LTBP1: variants seen among roughly 807,000 people sequenced by gnomAD.
The protein encoded by LTBP1 is latent-transforming growth factor beta-binding protein 1.
Under a neutral mutation model 207.6 loss-of-function variants are expected in LTBP1, and 129 were observed. The ratio of observed to expected loss-of-function variants is 0.62; its 90% CI spans 0.54 to 0.72. The LOEUF (loss-of-function observed/expected upper bound fraction) is 0.72, where lower values mean the gene tolerates loss of function less well. Among genes scored for constraint, LTBP1 ranks in the 30% least tolerant of loss-of-function variants. The probability of loss-of-function intolerance (pLI) is 0.00; values close to 1 mark genes in which losing one functional copy is unlikely to be tolerated. For missense variants in LTBP1, 2,281 were observed against 2,217.2 expected (o/e 1.03, Z -0.58); for synonymous variants, 963 against 833.7 (o/e 1.16, Z -2.67).
rs190978477 is a variant in LTBP1 at position 33,198,240 on chromosome 2, G to A, written c.1701+9389G>A. Among the ~76,000 whole-genome samples, 227 of 152,280 alleles carry A rather than the reference G, an allele frequency of 1.5e-3. 3 individuals carry two copies. Among genetic ancestry groups the A allele is most frequent in the African/African-American group, 5.0e-3 (208 of 41,550 alleles). ...TATTGAACCAGCCTTGCATCCCAGG[G>A]ATGAAGCCCACTTGATCATGGTGGA... is the stretch of plus-strand genomic sequence containing the variant. On this transcript the variant is annotated intron_variant, in intron 7 of 33. Coordinates refer to ENST00000404816, the MANE Select transcript of LTBP1 (RefSeq NM_206943.4).
chr2:33,328,322 GCACTTAC>G (rs1553503675), intron 24 of LTBP1, among the ~76,000 whole-genome samples: 1 of 151,974 alleles, frequency 6.6e-6, no homozygotes, highest in Non-Finnish European at 1.5e-5. Flanking sequence ...CTCATACATA[GCACTTAC>G]CACTATCCTG....
chr2:33,199,266 G>C (rs2088930623), intron 7 of LTBP1, among the ~76,000 whole-genome samples: 2 of 152,172 alleles, frequency 1.3e-5, no homozygotes, highest in Admixed American at 1.3e-4. Flanking sequence ...CTGAGAGACA[G>C]TTTGTTATCA....
chr2:33,283,408 T>G (rs1423947350), intron 19 of LTBP1, among the ~76,000 whole-genome samples: 1 of 150,574 alleles, frequency 6.6e-6, no homozygotes, highest in African/African-American at 2.4e-5. Flanking sequence ...ATGAAAATTC[T>G]CCGTGATAAC....
At chr2:32,966,429 G>T (rs929291339) in intron 2 of LTBP1, among the ~76,000 whole-genome samples, 2 of 152,116 alleles carry the variant, frequency 1.3e-5, no homozygotes, top group African/African-American at 4.8e-5. Context: ...TATTGAAAAG[G>T]AGTGATGAGA....
At chr2:33,355,936 CTT>C (rs141670994) in intron 26 of LTBP1, among the ~76,000 whole-genome samples, 1 of 149,752 alleles carries the variant, frequency 6.7e-6, no homozygotes, top group African/African-American at 2.5e-5. Context: ...TATTTTTGTG[CTT>C]TTTTTTTTCT....
At chr2:33,043,482 G>C (rs1261342468) in intron 3 of LTBP1, among the ~76,000 whole-genome samples, 1 of 152,184 alleles carries the variant, frequency 6.6e-6, no homozygotes, top group African/African-American at 2.4e-5. Context: ...AGACAGTAGA[G>C]TGTAAGCTAT....
At chr2:33,069,884 T>C (rs903994733) in intron 3 of LTBP1, among the ~76,000 whole-genome samples, 3 of 152,218 alleles carry the variant, frequency 2.0e-5, no homozygotes, top group Non-Finnish European at 4.4e-5. Context: ...TCTCAACAGC[T>C]CACAGTCTGA....
chr2:33,201,233 G>T lies in LTBP1; in HGVS notation c.1701+12382G>T, dbSNP rs547454804. Among the ~76,000 whole-genome samples the T allele has an allele frequency of 3.3e-3, 500 of 152,054 alleles. 5 individuals carry two copies. Among genetic ancestry groups the T allele is most frequent in the African/African-American group, 0.011 (473 of 41,452 alleles). ...CAAAGACTTGGAACCAACCCAAATG[G>T]CCAACAATGATAGACTGGATTAAGA... On this transcript the variant is annotated intron_variant, in intron 7 of 33. Transcript: ENST00000404816.
intron 33 of LTBP1, 118 bp from the exon 34 acceptor site, chr2:33,398,246 A>T: frequency 1.2e-6 from 1 of 818,764 alleles, no homozygotes; most frequent in Non-Finnish European, 1.9e-6. Flanking sequence ...TGACTGAAGC[A>T]ATGACGAGAA....
intron 3 of LTBP1, among the ~76,000 whole-genome samples, chr2:33,050,108 T>C (rs556559953): frequency 7.9e-5 from 12 of 151,808 alleles, no homozygotes; most frequent in African/African-American, 2.9e-4. Context: ...CCTCCCAAAG[T>C]GCTGGGATTA....
Position 33,398,621 on chromosome 2 carries a change from A to G in LTBP1, c.*76A>G. 1.5e-6 allele frequency: 2 copies of G among 1,365,106 alleles called. No individual in the cohort carries two copies. The highest frequency in any genetic ancestry group is 2.0e-6 in the Non-Finnish European group (2 of 1,006,466). The allele number at this position is 1,365,106 out of a possible 1,614,324, so 84.6% of individuals were successfully genotyped here. ...AAGGGAGAAATGTATTATACTTGAG[A>G]CATTGCACCTACCCCGGAAGGCTGG... On this transcript the variant is annotated 3_prime_UTR_variant, in exon 34 of 34. Coordinates refer to ENST00000404816, the MANE Select transcript of LTBP1 (RefSeq NM_206943.4).
At chr2:33,296,505 A>G (rs1177740757) in intron 20 of LTBP1, among the ~76,000 whole-genome samples, 2 of 152,066 alleles carry the variant, frequency 1.3e-5, no homozygotes, top group African/African-American at 4.8e-5. Context: ...GAATAATCTC[A>G]GGTTTCCAGA....
At chr2:33,292,709 T>G (rs2093798246) in intron 19 of LTBP1, among the ~76,000 whole-genome samples, 1 of 152,230 alleles carries the variant, frequency 6.6e-6, no homozygotes, top group African/African-American at 2.4e-5. Context: ...TTTTCACCTT[T>G]CTGTTAAAAC....
chr2:33,398,331 G>A (rs778971342), intron 33 of LTBP1, 33 bp from the exon 34 acceptor site: 24 of 1,599,660 alleles, frequency 1.5e-5, no homozygotes, highest in African/African-American at 4.0e-5. Context: ...TAATATCCAA[G>A]ATTGTTTACC....
At chr2:33,332,403 G>C (rs1330136978) in intron 24 of LTBP1, among the ~76,000 whole-genome samples, 4 of 144,248 alleles carry the variant, frequency 2.8e-5, no homozygotes, top group African/African-American at 1.0e-4. Flanking sequence ...AAAAAAGAGA[G>C]AGAGAGACAG....
At chr2:33,300,597 A>G in intron 21 of LTBP1, 24 bp downstream of exon 21, 3 of 1,602,234 alleles carry the variant, frequency 1.9e-6, no homozygotes, top group Admixed American at 1.7e-5. Flanking sequence ...AACATGAACT[A>G]CTGAAACTTC....
At chr2:33,387,483 A>G (rs1051101662) in intron 31 of LTBP1, among the ~76,000 whole-genome samples, 1 of 152,216 alleles carries the variant, frequency 6.6e-6, no homozygotes, top group Non-Finnish European at 1.5e-5. Context: ...GGACGCCTGG[A>G]GTCTGGATGT....
chr2:33,379,970 A>G (rs1424515244), intron 31 of LTBP1, among the ~76,000 whole-genome samples: 1 of 152,238 alleles, frequency 6.6e-6, no homozygotes, highest in Admixed American at 6.5e-5. Flanking sequence ...AAAATACGTT[A>G]AAACACAATT....
chr2:33,145,411 A>C (rs902640776), intron 5 of LTBP1, among the ~76,000 whole-genome samples: 5 of 152,220 alleles, frequency 3.3e-5, no homozygotes, highest in Admixed American at 3.3e-4. Flanking sequence ...CCCAATTTTC[A>C]TCAGATTCTC....
Sources: gnomAD v4.1 joint callset for allele counts (sites outside exome capture counted in the v4.1 genomes callset) on GRCh38, gnomAD v4.1.1 for gene constraint, MANE v1.5 for transcripts, NCBI Gene and HGNC (gene_info 2026-07-23, HGNC 2026-07-21) for gene names.